The following NET1 variants were observed in gnomAD, a reference collection of about 807,000 sequenced individuals.
NET1 encodes neuroepithelial cell-transforming gene 1 protein.
In NET1, 42 loss-of-function variants were observed where a neutral mutation model predicts 61.1. The observed-to-expected ratio is 0.69, with a 90% CI of 0.54 to 0.89. NET1 has a LOEUF of 0.89. NET1 is among the 40% of genes least tolerant of loss of function. The probability of loss-of-function intolerance (pLI) is 0.00; values close to 1 mark genes in which losing one functional copy is unlikely to be tolerated. For synonymous variants in NET1, 254 were observed against 281.8 expected (o/e 0.90, Z 0.99); for missense variants, 654 against 747.3 (o/e 0.88, Z 1.46).
Position 5,458,311 on chromosome 10 carries a change from A to C in NET1, c.*1317A>C, listed in dbSNP as rs1832842520. The C allele has an allele frequency of 6.6e-6, 1 of 152,520 alleles. No individual in the cohort carries two copies. The highest frequency in any genetic ancestry group is 2.1e-4 in the South Asian group (1 of 4,832). 9.4% of individuals were successfully genotyped at this position (152,520 alleles called of 1,614,324 possible). A position where few individuals can be genotyped will look rare whatever the true frequency, so the allele number is the denominator to read the frequency against. Reference sequence around the variant, plus strand: ...GGAGGAGGAGTAAAAGCCCGATTATAATGGTGATCAATTCAAGTCAGTGTT... The same window carrying C: ...GGAGGAGGAGTAAAAGCCCGATTATCATGGTGATCAATTCAAGTCAGTGTT... On this transcript the variant is annotated 3_prime_UTR_variant, in exon 12 of 12. Transcript: ENST00000355029. The surrounding 1 kb of genome is among the most constrained non-coding windows in gnomAD (Gnocchi z 4.5).
Position 5,416,087 on chromosome 10 carries a change from G to A in NET1, c.128+3267G>A, listed in dbSNP as rs1230764074. On this transcript the variant is annotated intron_variant, in intron 1 of 11. Coordinates refer to ENST00000355029, the MANE Select transcript of NET1 (RefSeq NM_001047160.3). The surrounding 1 kb of genome is among the most constrained non-coding windows in gnomAD (Gnocchi z 6.1). Reference sequence around the variant, plus strand: ...TTTTTGTATATAATGTGAGATGACGGTCCAACTTAATTCTTTTTCATGTGT... The same window carrying A: ...TTTTTGTATATAATGTGAGATGACGATCCAACTTAATTCTTTTTCATGTGT... Among the ~76,000 whole-genome samples, 6 of 152,132 alleles carry A rather than the reference G, an allele frequency of 3.9e-5. No individual in the cohort carries two copies. The highest frequency in any genetic ancestry group is 7.4e-5 in the Non-Finnish European group (5 of 68,026).
rs1412841891 is a variant in NET1, at chr10:5,447,297, C to T, written c.256-4533C>T. On this transcript the variant is annotated intron_variant, in intron 3 of 11. Transcript: ENST00000355029. This position sits in a 1 kb window ranked among gnomAD's most constrained non-coding sequence, Gnocchi z 4.1. ...GACCTGGTGTGCATTTTTCTTCCAT[C>T]TGATGAGTTCATTGTATGCCACTTT... Among the ~76,000 whole-genome samples the T allele has an allele frequency of 6.6e-6, 1 of 152,168 alleles. No homozygotes were observed. Among genetic ancestry groups the T allele is most frequent in the African/African-American group, 2.4e-5 (1 of 41,448 alleles).
At position 5,455,902 on chromosome 10, in the gene NET1, A is replaced by G. The variant is rs1245354577; in HGVS notation, c.1198-185A>G. On this transcript the variant is annotated intron_variant, in intron 10 of 11. Coordinates refer to ENST00000355029, the MANE Select transcript of NET1 (RefSeq NM_001047160.3). The surrounding 1 kb of genome is among the most constrained non-coding windows in gnomAD (Gnocchi z 6.5). Reference sequence around the variant, plus strand: ...TTTTATTTATTCTGAGATTGGAAAAACTTTCCAAATAGAACATGCTTAGCC... The same window carrying G: ...TTTTATTTATTCTGAGATTGGAAAAGCTTTCCAAATAGAACATGCTTAGCC... Among the ~76,000 whole-genome samples, 1 of 152,158 alleles carries G rather than the reference A, an allele frequency of 6.6e-6. No homozygotes were observed. The highest frequency in any genetic ancestry group is 2.4e-5 in the African/African-American group (1 of 41,426).
rs1832717394 is a variant in NET1 at position 5,452,308 on chromosome 10, T to C, written c.364-50T>C. On this transcript the variant is annotated intron_variant, in intron 4 of 11. Coordinates refer to ENST00000355029, the MANE Select transcript of NET1 (RefSeq NM_001047160.3). The surrounding 1 kb of genome is among the most constrained non-coding windows in gnomAD (Gnocchi z 4.0). Reference sequence around the variant, plus strand: ...AAAAAAAAGAAAATGGGAATAATTCTATTTCTTCCAAATCTTATTTTCTCT... The same window carrying C: ...AAAAAAAAGAAAATGGGAATAATTCCATTTCTTCCAAATCTTATTTTCTCT... 1.4e-6 allele frequency: 2 copies of C among 1,416,242 alleles called. No individual in the cohort carries two copies. Among genetic ancestry groups the C allele is most frequent in the Non-Finnish European group, 1.9e-6 (2 of 1,064,976 alleles). 87.7% of individuals were successfully genotyped at this position (1,416,242 alleles called of 1,614,324 possible).
rs371972464 is a variant in NET1, at chr10:5,424,782, G to A, written c.129-1873G>A. On this transcript the variant is annotated intron_variant, in intron 1 of 11. Coordinates refer to ENST00000355029, the MANE Select transcript of NET1 (RefSeq NM_001047160.3). The surrounding 1 kb of genome is among the most constrained non-coding windows in gnomAD (Gnocchi z 6.1). The stretch of plus-strand genomic sequence containing the variant: ...CAAGAACCTTGGTAATAACTGAACA[G>A]GTTTAGGGAGGAAAAGGGGAAAGTC... Among the ~76,000 whole-genome samples the A allele has an allele frequency of 7.9e-5, 12 of 152,244 alleles. No individual in the cohort carries two copies. The highest frequency in any genetic ancestry group is 2.9e-4 in the African/African-American group (12 of 41,554).
At chr10:5,432,424 G>T (rs1386816895) in intron 3 of NET1, among the ~76,000 whole-genome samples, 1 of 152,004 alleles carries the variant, frequency 6.6e-6, no homozygotes, top group African/African-American at 2.4e-5. Flanking sequence ...TACTGAAAAC[G>T]TTTTATGTTT....
intron 3 of NET1, among the ~76,000 whole-genome samples, chr10:5,433,401 G>A (rs1832378960): frequency 6.6e-6 from 1 of 152,134 alleles, no homozygotes; most frequent in Non-Finnish European, 1.5e-5. Context: ...GTTGTGACAG[G>A]AACCATAGGA....
chr10:5,443,592 G>GC lies in NET1; in HGVS notation c.256-8237dup, dbSNP rs1246450287. Among the ~76,000 whole-genome samples, 1 of 152,084 alleles carries GC rather than the reference G, an allele frequency of 6.6e-6. No individual in the cohort carries two copies. The highest frequency in any genetic ancestry group is 1.5e-5 in the Non-Finnish European group (1 of 68,020). On this transcript the variant is annotated intron_variant, in intron 3 of 11. Transcript: ENST00000355029. The surrounding 1 kb of genome is among the most constrained non-coding windows in gnomAD (Gnocchi z 4.8). ...GATTCTTGAGTCCAGTTGAACTTCC[G>GC]CATGTTCATCATTCCTTTTTTAGAT...
At chr10:5,442,058 T>C (rs1195903988) in intron 3 of NET1, among the ~76,000 whole-genome samples, 3 of 152,212 alleles carry the variant, frequency 2.0e-5, no homozygotes, top group African/African-American at 7.2e-5. Context: ...TATACTTGTA[T>C]CATTTTAAAA....
At chr10:5,428,953 C>T (rs547435088) in intron 2 of NET1, among the ~76,000 whole-genome samples, 2 of 149,568 alleles carry the variant, frequency 1.3e-5, no homozygotes, top group South Asian at 2.1e-4. Flanking sequence ...AGGCTGGTCT[C>T]GAACTCCTGA....
At position 5,435,518 on chromosome 10, in the gene NET1, T is replaced by TAGAC. The variant is rs1832415088; in HGVS notation, c.255+6292_255+6293insCAGA. The stretch of plus-strand genomic sequence containing the variant: ...ATAGATAGATAGATAGATAGATAGA[T>TAGAC]AGATAGATAGATAGACAGACAGACA... On this transcript the variant is annotated intron_variant, in intron 3 of 11. Coordinates refer to ENST00000355029, the MANE Select transcript of NET1 (RefSeq NM_001047160.3). The surrounding 1 kb of genome is among the most constrained non-coding windows in gnomAD (Gnocchi z 5.0). Among the ~76,000 whole-genome samples the TAGAC allele has an allele frequency of 1.6e-4, 7 of 44,860 alleles. No homozygotes were observed. The highest frequency in any genetic ancestry group is 4.2e-4 in the African/African-American group (6 of 14,336). 29.4% of individuals were successfully genotyped at this position (44,860 alleles called of 152,430 possible). A position where few individuals can be genotyped will look rare whatever the true frequency, so the allele number is the denominator to read the frequency against.
At chr10:5,436,193 TG>T (rs1259162053) in intron 3 of NET1, among the ~76,000 whole-genome samples, 545 of 14,868 alleles carry the variant, frequency 0.037, 15 homozygotes, top group East Asian at 0.33. Flanking sequence ...GTGTTGTGTG[TG>T]TGTGTGTGTG....
At position 5,441,497 on chromosome 10, in the gene NET1, A is replaced by G. The variant is rs142516577; in HGVS notation, c.256-10333A>G. Reference sequence around the variant, plus strand: ...GGAATCCCATTCAACAGCTTGTTACAGAAGACTAAGTGGTCTTACGTTATA... The same window carrying G: ...GGAATCCCATTCAACAGCTTGTTACGGAAGACTAAGTGGTCTTACGTTATA... On this transcript the variant is annotated intron_variant, in intron 3 of 11. Coordinates refer to ENST00000355029, the MANE Select transcript of NET1 (RefSeq NM_001047160.3). This position sits in a 1 kb window ranked among gnomAD's most constrained non-coding sequence, Gnocchi z 4.6. Among the ~76,000 whole-genome samples, 2 of 152,382 alleles carry G rather than the reference A, an allele frequency of 1.3e-5. No individual in the cohort carries two copies. The highest frequency in any genetic ancestry group is 3.9e-4 in the East Asian group (2 of 5,186).
intron 3 of NET1, 92 bp downstream of exon 3, chr10:5,429,321 GGTTTTTTT>G (rs1257160751): frequency 8.5e-5 from 90 of 1,054,708 alleles, no homozygotes; most frequent in Non-Finnish European, 1.1e-4. Context: ...TGCTGGTTTG[GGTTTTTTT>G]GTTTTTTTGT....
At position 5,443,334 on chromosome 10, in the gene NET1, A is replaced by G. The variant is rs904914943; in HGVS notation, c.256-8496A>G. 2.6e-5 allele frequency among the ~76,000 whole-genome samples: 4 copies of G among 152,246 alleles called. No individual in the cohort carries two copies. Among genetic ancestry groups the G allele is most frequent in the Admixed American group, 1.3e-4 (2 of 15,288 alleles). ...AGATAATAAGTACTTCATAGAGTTG[A>G]TTAAGATAACATGTATAAAGCTCTA... On this transcript the variant is annotated intron_variant, in intron 3 of 11. Coordinates refer to ENST00000355029, the MANE Select transcript of NET1 (RefSeq NM_001047160.3). The surrounding 1 kb of genome is among the most constrained non-coding windows in gnomAD (Gnocchi z 4.8).
rs1030392882 is a variant in NET1 at position 5,424,375 on chromosome 10, A to T, written c.129-2280A>T. On this transcript the variant is annotated intron_variant, in intron 1 of 11. Coordinates refer to ENST00000355029, the MANE Select transcript of NET1 (RefSeq NM_001047160.3). This position sits in a 1 kb window ranked among gnomAD's most constrained non-coding sequence, Gnocchi z 6.1. ...CAGTATTTTTAAGTGTGATCTGTGG[A>T]CTCATGACAGAGAGGTCCTGTCTTT... 6.6e-6 allele frequency among the ~76,000 whole-genome samples: 1 copy of T among 152,174 alleles called. No individual in the cohort carries two copies. The highest frequency in any genetic ancestry group is 2.4e-5 in the African/African-American group (1 of 41,436).
Position 5,454,461 on chromosome 10 carries a change from TAAAAG to T in NET1, c.969_973del (p.Lys323AsnfsTer3). The T allele has an allele frequency of 6.2e-7, 1 of 1,614,174 alleles. No individual in the cohort carries two copies. Among genetic ancestry groups the T allele is most frequent in the South Asian group, 1.1e-5 (1 of 91,076 alleles). ...CGCCTAGTCAAATACCCTTTACTGT[TAAAAG>T]AAATTCTTAAACACACTCCAAAAGA... is the stretch of plus-strand genomic sequence containing the variant. On this transcript the variant is annotated frameshift_variant, in exon 9 of 12. Coordinates refer to ENST00000355029, the MANE Select transcript of NET1 (RefSeq NM_001047160.3). LOFTEE classifies it high-confidence loss of function. This position sits in a 1 kb window ranked among gnomAD's most constrained non-coding sequence, Gnocchi z 8.1.
chr10:5,456,373 G>A lies in NET1; in HGVS notation c.1384+100G>A. ...ATTCTAGAGATGAAATGGCTCCATT[G>A]TCCTATACTTGTTACATCCATTGAG... On this transcript the variant is annotated intron_variant, in intron 11 of 11. Coordinates refer to ENST00000355029, the MANE Select transcript of NET1 (RefSeq NM_001047160.3). The surrounding 1 kb of genome is among the most constrained non-coding windows in gnomAD (Gnocchi z 7.0). 8.3e-7 allele frequency: 1 copy of A among 1,207,688 alleles called. No homozygotes were observed. The highest frequency in any genetic ancestry group is 1.1e-6 in the Non-Finnish European group (1 of 884,566). 74.8% of individuals were successfully genotyped at this position (1,207,688 alleles called of 1,614,324 possible). A position where few individuals can be genotyped will look rare whatever the true frequency, so the allele number is the denominator to read the frequency against.
At position 5,454,922 on chromosome 10, in the gene NET1, C is replaced by G. The variant is rs765309002; in HGVS notation, c.1027-26C>G. ...AATGAGTTAATAAACTGAAGCTGCT[C>G]TGTCAATTTTATTTATCATTTTCAG... On this transcript the variant is annotated intron_variant, in intron 9 of 11. Transcript: ENST00000355029. This position sits in a 1 kb window ranked among gnomAD's most constrained non-coding sequence, Gnocchi z 8.1. 3 of 1,607,568 alleles carry G rather than the reference C, an allele frequency of 1.9e-6. No homozygotes were observed. The highest frequency in any genetic ancestry group is 4.5e-5 in the East Asian group (2 of 44,816).
Sources: gnomAD v4.1 joint callset for allele counts (sites outside exome capture counted in the v4.1 genomes callset) on GRCh38, gnomAD v4.1.1 for gene constraint, Gnocchi (gnomAD v3.1) non-coding constraint, MANE v1.5 for transcripts, NCBI Gene and HGNC (gene_info 2026-07-23, HGNC 2026-07-21) for gene names.